GANC: variants seen among roughly 807,000 people sequenced by gnomAD.
GANC encodes the protein neutral alpha-glucosidase C.
In GANC, 117 loss-of-function variants were observed where a neutral mutation model predicts 124.2. The ratio of observed to expected loss-of-function variants is 0.94; its 90% CI spans 0.81 to 1.10. The LOEUF is 1.10. Among genes scored for constraint, GANC ranks in the 50% least tolerant of loss-of-function variants. GANC has a pLI of 0.00. For missense variants in GANC, 1,140 were observed against 1,095.0 expected, an observed-to-expected ratio of 1.04 and a Z score of -0.58; for synonymous variants, 377 against 376.8, an observed-to-expected ratio of 1.00 and a Z score of -0.01.
rs368001879 is a variant in GANC, at chr15:42,340,582, C to CA, written c.2088-106dup. On this transcript the variant is annotated intron_variant, in intron 17 of 23. Transcript: ENST00000318010. ...TAGCACCACGGCATTCCAGCCTGGG[C>CA]AACAAAGTGAGATCCATCTAAAAAA... The CA allele has an allele frequency of 8.6e-6, 7 of 818,336 alleles. No individual in the cohort carries two copies. In the African/African-American group the frequency reaches 9.5e-5, roughly 11 times the overall value. 50.7% of individuals were successfully genotyped at this position (818,336 alleles called of 1,614,324 possible).
Position 42,282,608 on chromosome 15 carries a change from C to T in GANC, c.201+4018C>T, listed in dbSNP as rs150467720. ...CACTCTTGGTGCCTGCCTGCCCCTA[C>T]ACCTTTAAAACCCTTAAAGCAGTAA... On this transcript the variant is annotated intron_variant, in intron 3 of 23. Transcript: ENST00000318010. Among the ~76,000 whole-genome samples the T allele has an allele frequency of 3.2e-3, 480 of 152,308 alleles. 1 individual carries two copies. Among genetic ancestry groups the T allele is most frequent in the Non-Finnish European group, 5.2e-3 (353 of 68,034 alleles).
rs576320132 is a variant in GANC, at chr15:42,303,754, A to G, written c.559-2792A>G. The stretch of plus-strand genomic sequence containing the variant: ...AAATCAACAAAGATCAAAAGAGACA[A>G]AAAAGGGCATTACATAATAGTAAAG... On this transcript the variant is annotated intron_variant, in intron 6 of 23. Coordinates refer to ENST00000318010, the MANE Select transcript of GANC (RefSeq NM_198141.3). 7.9e-5 allele frequency among the ~76,000 whole-genome samples: 12 copies of G among 152,260 alleles called. No individual in the cohort carries two copies. The South Asian group carries it at 2.5e-3, about 32-fold the overall frequency.
At chr15:42,291,467 C>T (rs1464525317) in intron 4 of GANC, among the ~76,000 whole-genome samples, 1 of 152,178 alleles carries the variant, frequency 6.6e-6, no homozygotes, top group African/African-American at 2.4e-5. Context: ...TTGTTTCATG[C>T]AACCAGCTCA....
Position 42,353,240 on chromosome 15 carries a change from T to A in GANC, c.*1101T>A. On this transcript the variant is annotated 3_prime_UTR_variant, in exon 24 of 24. Coordinates refer to ENST00000318010, the MANE Select transcript of GANC (RefSeq NM_198141.3). ...AGCAGCCTCGACTCCTCAGCACTCC[T>A]CAGCACACACCTCTTCTTATCAGGC... 1.0e-6 allele frequency: 1 copy of A among 986,064 alleles called. No homozygotes were observed. The highest frequency in any genetic ancestry group is 1.2e-6 in the Non-Finnish European group (1 of 830,092). 61.1% of individuals were successfully genotyped at this position (986,064 alleles called of 1,614,324 possible). A position where few individuals can be genotyped will look rare whatever the true frequency, so the allele number is the denominator to read the frequency against.
At chr15:42,282,381 G>T (rs944353227) in intron 3 of GANC, among the ~76,000 whole-genome samples, 1 of 152,140 alleles carries the variant, frequency 6.6e-6, no homozygotes, top group Admixed American at 6.5e-5. Context: ...GGGATAAGAT[G>T]GGTGTTTCAA....
At chr15:42,315,641 A>G (rs1172506194) in intron 10 of GANC, among the ~76,000 whole-genome samples, 1 of 152,238 alleles carries the variant, frequency 6.6e-6, no homozygotes, top group Non-Finnish European at 1.5e-5. Context: ...TTTATGTGTC[A>G]ATTTGACTAG....
chr15:42,288,653 T>C (rs2051814428), intron 4 of GANC, among the ~76,000 whole-genome samples: 1 of 152,200 alleles, frequency 6.6e-6, no homozygotes, highest in South Asian at 2.1e-4. Flanking sequence ...AGCCACACTA[T>C]ATGCCAATAA....
intron 3 of GANC, chr15:42,280,904 C>G: frequency 1.4e-6 from 1 of 699,660 alleles, no homozygotes; most frequent in Non-Finnish European, 2.6e-6. Flanking sequence ...AAGTGAGGAA[C>G]AATGCTCTTC....
chr15:42,352,139 A>G lies in GANC; in HGVS notation c.2745A>G (p.Ter915TrpextTer24). The stretch of plus-strand genomic sequence containing the variant: ...CTGACTGGGAGGTCCGCATCATATG[A>G]CAAAGAACTGCCCCTGGTGATGTGA... The part of the protein sequence containing the change: ...IATDWEVRII[*>W] Residue 915 changes from the stop codon to tryptophan (W), a stop_lost, in exon 24 of 24, where the codon TGA becomes TGG. Transcript: ENST00000318010. 1 of 1,614,166 alleles carries G rather than the reference A, an allele frequency of 6.2e-7. No homozygotes were observed. The highest frequency in any genetic ancestry group is 8.5e-7 in the Non-Finnish European group (1 of 1,180,008).
chr15:42,282,354 T>C (rs530316062), intron 3 of GANC, among the ~76,000 whole-genome samples: 24 of 152,322 alleles, frequency 1.6e-4, no homozygotes, highest in African/African-American at 5.3e-4. Flanking sequence ...AAAGAACTTC[T>C]ATTAAAAATG....
In GANC at chr15:42,274,207, G is replaced by A. The variant is rs2051625884; in HGVS notation, c.-275G>A. On this transcript the variant is annotated 5_prime_UTR_variant, in exon 1 of 24. Transcript: ENST00000318010. The stretch of plus-strand genomic sequence containing the variant: ...ACGCCCTCACCGCCGCCCAGTTTCG[G>A]TTCCTAACAAAAGCACGTTCCTCAT... 2 of 439,214 alleles carry A rather than the reference G, an allele frequency of 4.6e-6. No homozygotes were observed. Among genetic ancestry groups the A allele is most frequent in the South Asian group, 4.6e-5 (2 of 43,142 alleles). The allele number at this position is 439,214 out of a possible 1,614,324, so 27.2% of individuals were successfully genotyped here.
intron 15 of GANC, among the ~76,000 whole-genome samples, chr15:42,332,054 C>T (rs1245644676): frequency 6.6e-5 from 10 of 152,022 alleles, no homozygotes; most frequent in East Asian, 1.9e-4. Context: ...ATACTAGGAA[C>T]GTTTAAATTA....
intron 2 of GANC, among the ~76,000 whole-genome samples, chr15:42,277,581 T>TA (rs1376883312): frequency 2.6e-5 from 4 of 152,114 alleles, no homozygotes; most frequent in African/African-American, 9.7e-5. Context: ...AATATGCCTT[T>TA]AAAATCTTCA....
intron 6 of GANC, among the ~76,000 whole-genome samples, chr15:42,303,176 C>T (rs951543267): frequency 6.6e-5 from 10 of 152,196 alleles, no homozygotes; most frequent in African/African-American, 2.4e-4. Context: ...GCCCTACAAG[C>T]CAGAAGAGAG....
Position 42,274,438 on chromosome 15 carries a change from C to A in GANC, c.-44C>A. 1 of 1,602,130 alleles carries A rather than the reference C, an allele frequency of 6.2e-7. No homozygotes were observed. Among genetic ancestry groups the A allele is most frequent in the Admixed American group, 1.7e-5 (1 of 58,218 alleles). ...GCTTTTTTAAAAGATCGCCCAGGGC[C>A]CTTGTCCTGAGAGCTGGGAGCTGGT... On this transcript the variant is annotated 5_prime_UTR_variant, in exon 1 of 24. Transcript: ENST00000318010.
chr15:42,309,284 C>T (rs74587165), intron 8 of GANC, among the ~76,000 whole-genome samples: 2,848 of 152,146 alleles, frequency 0.019, 95 homozygotes, highest in African/African-American at 0.064. Context: ...AGTTCCCCAT[C>T]TTCCCCTGCT....
intron 10 of GANC, among the ~76,000 whole-genome samples, chr15:42,311,142 C>A (rs1423921923): frequency 6.6e-6 from 1 of 152,184 alleles, no homozygotes; most frequent in East Asian, 1.9e-4. Flanking sequence ...CCAACTTCAA[C>A]TTTTCTATGT....
intron 4 of GANC, among the ~76,000 whole-genome samples, chr15:42,290,165 C>A (rs11638784): frequency 3.9e-5 from 6 of 152,208 alleles, no homozygotes; most frequent in South Asian, 4.1e-4. Context: ...CTTAAATGAC[C>A]ACTGGTGGTC....
chr15:42,289,704 A>G lies in GANC; in HGVS notation c.329+1886A>G, dbSNP rs186845646. Among the ~76,000 whole-genome samples, 118 of 152,298 alleles carry G rather than the reference A, an allele frequency of 7.7e-4. 1 individual carries two copies. The East Asian group carries it at 0.013, about 16-fold the overall frequency. On this transcript the variant is annotated intron_variant, in intron 4 of 23. Transcript: ENST00000318010. ...ATTTGGAGGCAGTGAGGATGTATTT[A>G]CCTATAGAGAATGGGATACTACTGT...
Sources: gnomAD v4.1 joint callset for allele counts (sites outside exome capture counted in the v4.1 genomes callset) on GRCh38, gnomAD v4.1.1 for gene constraint, MANE v1.5 for transcripts, NCBI Gene and HGNC (gene_info 2026-07-23, HGNC 2026-07-21) for gene names.